Variants in RYR3 observed in about 807,000 individuals in gnomAD.
The protein encoded by RYR3 is ryanodine receptor 3.
In RYR3, 207 loss-of-function variants were observed where a neutral mutation model predicts 584.3. The observed-to-expected ratio is 0.35, with a 90% confidence interval of 0.32 to 0.40. The LOEUF is 0.40. RYR3 is among the 10% of genes least tolerant of loss of function. The probability of loss-of-function intolerance (pLI) is 1.00; values close to 1 mark genes in which losing one functional copy is unlikely to be tolerated. For missense variants in RYR3, 5,616 were observed against 6,089.2 expected, an observed-to-expected ratio of 0.92 and a Z score of 2.59; for synonymous variants, 2,416 against 2,248.5, an observed-to-expected ratio of 1.07 and a Z score of -2.11.
At chr15:33,484,740 G>A (rs1204723870) in intron 2 of RYR3, among the ~76,000 whole-genome samples, 2 of 152,112 alleles carry the variant, frequency 1.3e-5, no homozygotes, top group African/African-American at 4.8e-5. Flanking sequence ...GAGTGAAATA[G>A]GGCATATATT....
chr15:33,860,869 A>G (rs547597740), intron 101 of RYR3, among the ~76,000 whole-genome samples: 1 of 151,700 alleles, frequency 6.6e-6, no homozygotes, highest in Non-Finnish European at 1.5e-5. Flanking sequence ...AGGAGGGAGC[A>G]GTATCCTCAG....
intron 1 of RYR3, among the ~76,000 whole-genome samples, chr15:33,347,793 C>T (rs1272177725): frequency 1.3e-5 from 2 of 152,092 alleles, no homozygotes; most frequent in African/African-American, 2.4e-5. Flanking sequence ...GACTTCCTTA[C>T]TTTCTGACAC....
Position 33,646,469 on chromosome 15 carries a change from A to G in RYR3, c.3884A>G (p.Glu1295Gly). ...MIYCRLSMPV[E>G]CHSSFSHSPC... ...TATTGCCGCTTGAGCATGCCTGTCG[A>G]GTGCCACTCCTCCTTCAGCCACAGC... is the stretch of plus-strand genomic sequence containing the variant. The change falls in exon 29 of 104, where the codon GAG (glutamate) becomes GGG (glycine). Residue 1295 changes from glutamate to glycine, a missense_variant. Physicochemically the swap from Glu to Gly is moderately conservative, Grantham distance 98. Transcript: ENST00000634891. 2 of 1,613,934 alleles carry G rather than the reference A, an allele frequency of 1.2e-6. No individual in the cohort carries two copies. The highest frequency in any genetic ancestry group is 1.7e-6 in the Non-Finnish European group (2 of 1,179,840).
chr15:33,600,244 T>C (rs1196626849), intron 16 of RYR3, among the ~76,000 whole-genome samples: 1 of 152,104 alleles, frequency 6.6e-6, no homozygotes, highest in Non-Finnish European at 1.5e-5. Flanking sequence ...TTTGTGAGAA[T>C]TATGGATACA....
intron 88 of RYR3, 120 bp from the exon 89 acceptor site, chr15:33,837,511 C>A: frequency 9.3e-7 from 1 of 1,072,736 alleles, no homozygotes; most frequent in Non-Finnish European, 1.3e-6. Context: ...TACATCATCA[C>A]GGTCAGAGAA....
chr15:33,555,775 T>C (rs1385817626), intron 10 of RYR3, among the ~76,000 whole-genome samples: 10 of 152,170 alleles, frequency 6.6e-5, no homozygotes, highest in Admixed American at 4.6e-4. Flanking sequence ...AAGAGCCCAG[T>C]ACAGTGACTT....
intron 16 of RYR3, among the ~76,000 whole-genome samples, chr15:33,598,046 A>G (rs1310251611): frequency 1.3e-5 from 2 of 152,174 alleles, no homozygotes; most frequent in East Asian, 3.9e-4. Context: ...AATTTACATC[A>G]TAAAGTACAG....
intron 1 of RYR3, among the ~76,000 whole-genome samples, chr15:33,411,704 T>G (rs2043423197): frequency 6.6e-6 from 1 of 152,146 alleles, no homozygotes; most frequent in Non-Finnish European, 1.5e-5. Context: ...ACACAAAAAT[T>G]TATGAGGGTA....
intron 1 of RYR3, among the ~76,000 whole-genome samples, chr15:33,332,089 A>G (rs1970438544): frequency 6.6e-6 from 1 of 152,118 alleles, no homozygotes; most frequent in African/African-American, 2.4e-5. Context: ...GAAAATTTTA[A>G]TCAATCTGAA....
intron 48 of RYR3, among the ~76,000 whole-genome samples, chr15:33,732,865 G>A (rs1044532175): frequency 9.9e-5 from 15 of 152,178 alleles, no homozygotes; most frequent in African/African-American, 3.6e-4. Flanking sequence ...AGGATCAACA[G>A]CCTTCCCCCT....
At chr15:33,416,610 G>T (rs1218385007) in intron 1 of RYR3, among the ~76,000 whole-genome samples, 1 of 152,018 alleles carries the variant, frequency 6.6e-6, no homozygotes, top group Non-Finnish European at 1.5e-5. Context: ...TGCACAGTTT[G>T]CAAATATATT....
intron 16 of RYR3, among the ~76,000 whole-genome samples, chr15:33,598,669 G>A (rs1193193911): frequency 6.6e-6 from 1 of 151,594 alleles, no homozygotes; most frequent in African/African-American, 2.4e-5. Flanking sequence ...TTGGAAGCAA[G>A]CTCAAACTCC....
At position 33,699,624 on chromosome 15, in the gene RYR3, C is replaced by T. The variant is rs184120251; in HGVS notation, c.6250-80C>T. On this transcript the variant is annotated intron_variant, in intron 40 of 103. Transcript: ENST00000634891. ...TTTCCAAGTGTTCACACTTTACCCA[C>T]TTAAGACTCTGAGGTCAGAGTTTTC... 4 of 1,383,320 alleles carry T rather than the reference C, an allele frequency of 2.9e-6. No homozygotes were observed. The East Asian group carries it at 9.4e-5, about 33-fold the overall frequency. The allele number at this position is 1,383,320 out of a possible 1,614,324, so 85.7% of individuals were successfully genotyped here. A position where few individuals can be genotyped will look rare whatever the true frequency, so the allele number is the denominator to read the frequency against.
chr15:33,612,131 G>A (rs1005844302), intron 18 of RYR3, among the ~76,000 whole-genome samples: 1 of 152,144 alleles, frequency 6.6e-6, no homozygotes, highest in Non-Finnish European at 1.5e-5. Context: ...GGGGTAGGTG[G>A]TTATAATTAT....
Position 33,840,901 on chromosome 15 carries a change from T to G in RYR3, c.13037+18T>G, listed in dbSNP as rs2078318965. 1 of 1,609,644 alleles carries G rather than the reference T, an allele frequency of 6.2e-7. No individual in the cohort carries two copies. The stretch of plus-strand genomic sequence containing the variant: ...AAGGCAGAGTAAGTTCTTGGTAGCA[T>G]CAACTACTCTCATTGCTATGGTAGA... On this transcript the variant is annotated intron_variant, in intron 90 of 103. Transcript: ENST00000634891.
chr15:33,811,958 G>C (rs558289075), intron 72 of RYR3, among the ~76,000 whole-genome samples: 1 of 151,718 alleles, frequency 6.6e-6, no homozygotes, highest in Non-Finnish European at 1.5e-5. Context: ...TTTCCTTTCC[G>C]CCCCAAACAT....
chr15:33,818,797 G>A (rs2076956130), intron 76 of RYR3, 113 bp downstream of exon 76: 1 of 726,334 alleles, frequency 1.4e-6, no homozygotes, highest in Middle Eastern at 3.9e-4. Flanking sequence ...GATTTGAGCA[G>A]CCCTCCTTGC....
At chr15:33,827,142 T>G (rs542694550) in intron 84 of RYR3, 57 bp from the exon 85 acceptor site, 1 of 1,239,936 alleles carries the variant, frequency 8.1e-7, no homozygotes, top group Non-Finnish European at 1.1e-6. Flanking sequence ...TGAGAGGGCA[T>G]GCTTGGCCCC....
chr15:33,314,313 C>T (rs971429345), intron 1 of RYR3, among the ~76,000 whole-genome samples: 2 of 152,152 alleles, frequency 1.3e-5, no homozygotes, highest in African/African-American at 2.4e-5. Context: ...CTGACGTAGC[C>T]AGTGTCATTG....
Sources: allele counts gnomAD v4.1 joint callset (sites outside exome capture counted in the v4.1 genomes callset), GRCh38; gene constraint gnomAD v4.1.1; transcripts MANE v1.5; gene names NCBI Gene and HGNC (gene_info 2026-07-23, HGNC 2026-07-21).